Variants in LRRTM4 observed in about 807,000 individuals in gnomAD.
LRRTM4 encodes the protein leucine-rich repeat transmembrane neuronal protein 4.
In LRRTM4, 25 loss-of-function variants were observed where a neutral mutation model predicts 47.6. That is an observed-to-expected ratio of 0.53 (90% CI 0.38 to 0.73). The LOEUF is 0.73. LRRTM4 is among the 30% of genes least tolerant of loss of function. The pLI is 0.00. For synonymous variants in LRRTM4, 311 were observed against 269.5 expected, an observed-to-expected ratio of 1.15 and a Z score of -1.51; for missense variants, 638 against 713.4, an observed-to-expected ratio of 0.89 and a Z score of 1.20.
At chr2:77,105,271 T>C (rs1196834410) in intron 3 of LRRTM4, among the ~76,000 whole-genome samples, 2 of 152,120 alleles carry the variant, frequency 1.3e-5, no homozygotes, top group Non-Finnish European at 2.9e-5. Context: ...AATTATTTTG[T>C]GTAGATGATA....
chr2:77,339,659 G>A (rs1383163926), intron 3 of LRRTM4, among the ~76,000 whole-genome samples: 1 of 151,950 alleles, frequency 6.6e-6, no homozygotes, highest in Non-Finnish European at 1.5e-5. Context: ...TAAATCCCCC[G>A]ACTGTATTAC....
chr2:76,773,978 A>G (rs1413166375), intron 3 of LRRTM4, among the ~76,000 whole-genome samples: 1 of 152,120 alleles, frequency 6.6e-6, no homozygotes, highest in African/African-American at 2.4e-5. Flanking sequence ...AAAAAAATAT[A>G]TAGCGGATCT....
At chr2:77,265,225 G>C (rs374504286) in intron 3 of LRRTM4, among the ~76,000 whole-genome samples, 31 of 152,142 alleles carry the variant, frequency 2.0e-4, no homozygotes, top group East Asian at 1.7e-3. Flanking sequence ...TATCATATTT[G>C]AGAAGGAATC....
intron 3 of LRRTM4, among the ~76,000 whole-genome samples, chr2:76,791,211 G>A (rs764486721): frequency 3.3e-5 from 5 of 152,100 alleles, no homozygotes; most frequent in Non-Finnish European, 7.4e-5. Flanking sequence ...CCAGGCATGT[G>A]GCTTGCCAAA....
At chr2:76,906,150 A>C (rs553204788) in intron 3 of LRRTM4, among the ~76,000 whole-genome samples, 3 of 152,358 alleles carry the variant, frequency 2.0e-5, no homozygotes, top group Non-Finnish European at 1.5e-5. Flanking sequence ...CTGATCTCTC[A>C]GCAGAAACTC....
chr2:77,435,637 A>G (rs1675561434), intron 3 of LRRTM4, among the ~76,000 whole-genome samples: 2 of 152,280 alleles, frequency 1.3e-5, no homozygotes, highest in East Asian at 1.9e-4. Context: ...AGAAAGATAC[A>G]TGAAAGTTTG....
At chr2:77,489,745 C>A (rs1028565433) in intron 3 of LRRTM4, among the ~76,000 whole-genome samples, 3 of 152,168 alleles carry the variant, frequency 2.0e-5, no homozygotes, top group African/African-American at 7.2e-5. Context: ...TATTAGAGAA[C>A]CATGCCACAA....
chr2:77,220,686 C>A (rs905454609), intron 3 of LRRTM4, among the ~76,000 whole-genome samples: 1 of 152,092 alleles, frequency 6.6e-6, no homozygotes, highest in Admixed American at 6.5e-5. Flanking sequence ...ACAAAGCCTC[C>A]AAGAAATATG....
intron 3 of LRRTM4, among the ~76,000 whole-genome samples, chr2:76,974,239 T>TAC (rs1468843171): frequency 1.4e-3 from 162 of 114,570 alleles, no homozygotes; most frequent in African/African-American, 4.0e-3. Flanking sequence ...TATATATATA[T>TAC]ACATATATAT....
chr2:77,014,874 T>A (rs1439510745), intron 3 of LRRTM4, among the ~76,000 whole-genome samples: 2 of 152,152 alleles, frequency 1.3e-5, no homozygotes, highest in African/African-American at 2.4e-5. Flanking sequence ...TAATATCTCA[T>A]AATTGACTTT....
chr2:77,043,598 G>C (rs925927226), intron 3 of LRRTM4, among the ~76,000 whole-genome samples: 1 of 151,764 alleles, frequency 6.6e-6, no homozygotes, highest in African/African-American at 2.4e-5. Context: ...GAGAGAGAAA[G>C]AGTTAAGCAA....
intron 3 of LRRTM4, among the ~76,000 whole-genome samples, chr2:76,981,016 G>T (rs1676590828): frequency 6.6e-6 from 1 of 152,028 alleles, no homozygotes; most frequent in Non-Finnish European, 1.5e-5. Context: ...AAGTTGTAAT[G>T]ACTTGATTAA....
At chr2:76,949,023 A>G (rs1162092283) in intron 3 of LRRTM4, among the ~76,000 whole-genome samples, 3 of 151,916 alleles carry the variant, frequency 2.0e-5, no homozygotes, top group Admixed American at 1.3e-4. Flanking sequence ...TTAATTCCCT[A>G]GTGAATATTC....
At chr2:77,493,716 G>T (rs1292644761) in intron 3 of LRRTM4, among the ~76,000 whole-genome samples, 2 of 152,050 alleles carry the variant, frequency 1.3e-5, no homozygotes, top group African/African-American at 2.4e-5. Flanking sequence ...CCAAAGAATT[G>T]TAAGGATGAC....
At position 76,889,008 on chromosome 2, in the gene LRRTM4, T is replaced by C. The variant is rs376173508; in HGVS notation, c.1552-140092A>G. Among the ~76,000 whole-genome samples, 3 of 152,026 alleles carry C rather than the reference T, an allele frequency of 2.0e-5. No homozygotes were observed. The East Asian group carries it at 5.8e-4, about 29-fold the overall frequency. On this transcript the variant is annotated intron_variant, in intron 3 of 3. Transcript: ENST00000409884. ...TTAAGGTAGCCTATGTACTTAAACATCTCATGGCAATATTTTCATTTAAAC... is the reference window on the plus strand; with the variant it reads ...TTAAGGTAGCCTATGTACTTAAACACCTCATGGCAATATTTTCATTTAAAC...
chr2:77,130,675 C>T (rs1025463136), intron 3 of LRRTM4, among the ~76,000 whole-genome samples: 8 of 150,494 alleles, frequency 5.3e-5, no homozygotes, highest in Non-Finnish European at 1.0e-4. Context: ...CCACTCTGTG[C>T]TAATTTTTTG....
At chr2:77,078,361 T>C (rs939117295) in intron 3 of LRRTM4, among the ~76,000 whole-genome samples, 3 of 139,684 alleles carry the variant, frequency 2.1e-5, no homozygotes, top group Non-Finnish European at 4.5e-5. Context: ...AAAAATATGT[T>C]TGTCTATTAC....
intron 3 of LRRTM4, among the ~76,000 whole-genome samples, chr2:77,274,785 A>G (rs2104080628): frequency 6.6e-6 from 1 of 152,332 alleles, no homozygotes; most frequent in South Asian, 2.1e-4. Flanking sequence ...GAACCACAGA[A>G]GAGTTAACAA....
chr2:76,756,159 T>A (rs1000787989), intron 3 of LRRTM4, among the ~76,000 whole-genome samples: 1 of 152,190 alleles, frequency 6.6e-6, no homozygotes, highest in African/African-American at 2.4e-5. Context: ...CAGTATCACA[T>A]GATAATTGGT....
Sources: gnomAD v4.1 joint callset for allele counts (sites outside exome capture counted in the v4.1 genomes callset) on GRCh38, gnomAD v4.1.1 for gene constraint, MANE v1.5 for transcripts, NCBI Gene and HGNC (gene_info 2026-07-23, HGNC 2026-07-21) for gene names.